SGPP2: variants seen among roughly 807,000 people sequenced by gnomAD.
SGPP2 encodes the protein sphingosine 1-phosphate phosphohydrolase 2.
A neutral mutation model predicts 33.9 loss-of-function variants in SGPP2; 30 were observed. That is an observed-to-expected ratio of 0.89 (90% CI 0.66 to 1.20). The LOEUF (loss-of-function observed/expected upper bound fraction) is 1.20. Among genes scored for constraint, SGPP2 ranks in the 50% most tolerant of loss-of-function variants. The pLI is 0.00. For synonymous variants in SGPP2, 233 were observed against 225.0 expected, an observed-to-expected ratio of 1.04 and a Z score of -0.32; for missense variants, 458 against 532.1, an observed-to-expected ratio of 0.86 and a Z score of 1.37.
intron 3 of SGPP2, among the ~76,000 whole-genome samples, chr2:222,522,873 GGGTCTTGCTGTGTTGCCCAGGCT>G (rs1404931568): frequency 3.9e-5 from 6 of 152,132 alleles, no homozygotes; most frequent in African/African-American, 1.4e-4. Flanking sequence ...TCTAGTGAAG[GGGTCTTGCTGTGTTGCCCAGGCT>G]GGTCTTGAAC....
At chr2:222,426,713 G>A (rs1189706984) in intron 1 of SGPP2, among the ~76,000 whole-genome samples, 1 of 152,188 alleles carries the variant, frequency 6.6e-6, no homozygotes, top group Admixed American at 6.5e-5. Context: ...ACTTGAGAGT[G>A]CTTGATAAAT....
chr2:222,501,436 GA>G (rs1698364332), intron 2 of SGPP2, among the ~76,000 whole-genome samples: 1 of 152,146 alleles, frequency 6.6e-6, no homozygotes, highest in African/African-American at 2.4e-5. Flanking sequence ...ACTACATAGG[GA>G]GGTTCTCAAA....
rs918253151 is a variant in SGPP2, at chr2:222,476,669, A to G, written c.378+1943A>G. 6.7e-6 allele frequency among the ~76,000 whole-genome samples: 1 copy of G among 149,018 alleles called. No individual in the cohort carries two copies. Among genetic ancestry groups the G allele is most frequent in the Admixed American group, 6.7e-5 (1 of 14,932 alleles). On this transcript the variant is annotated intron_variant, in intron 2 of 4. Coordinates refer to ENST00000321276, the MANE Select transcript of SGPP2 (RefSeq NM_152386.4). This position sits in a 1 kb window ranked among gnomAD's most constrained non-coding sequence, Gnocchi z 4.3. ...TTGAGTTTCTTTCCTACTGTCGTTT[A>G]TTTTCTAAGATGTGTGTGTGTGCGT...
At chr2:222,441,626 T>C (rs1697326795) in intron 1 of SGPP2, among the ~76,000 whole-genome samples, 1 of 152,204 alleles carries the variant, frequency 6.6e-6, no homozygotes, top group Non-Finnish European at 1.5e-5. Context: ...AGGGTTTAAA[T>C]GTCATTTTTA....
intron 2 of SGPP2, among the ~76,000 whole-genome samples, chr2:222,517,707 C>T (rs1008342651): frequency 6.6e-5 from 10 of 152,214 alleles, no homozygotes; most frequent in African/African-American, 1.7e-4. Context: ...AGACTCCTAA[C>T]GTGGGGCCAG....
rs923142681 is a variant in SGPP2, at chr2:222,560,524, C to A, written c.*1626C>A. ...GCAAACACCGGAGTTCCCTCCTCTT[C>A]AGTTCCTAAGAATAAAGAACAGGTA... is the stretch of plus-strand genomic sequence containing the variant. On this transcript the variant is annotated 3_prime_UTR_variant, in exon 5 of 5. Coordinates refer to ENST00000321276, the MANE Select transcript of SGPP2 (RefSeq NM_152386.4). 1.2e-4 allele frequency: 19 copies of A among 152,188 alleles called. No homozygotes were observed. The highest frequency in any genetic ancestry group is 4.6e-4 in the African/African-American group (19 of 41,446). The allele number at this position is 152,188 out of a possible 1,614,324, so 9.4% of individuals were successfully genotyped here. A position where few individuals can be genotyped will look rare whatever the true frequency, so the allele number is the denominator to read the frequency against.
intron 4 of SGPP2, among the ~76,000 whole-genome samples, chr2:222,543,340 G>A (rs1182727628): frequency 6.6e-6 from 1 of 152,184 alleles, no homozygotes; most frequent in East Asian, 1.9e-4. Flanking sequence ...TTTGTCATAA[G>A]TCAAGTGACT....
At chr2:222,435,914 G>C (rs1313714561) in intron 1 of SGPP2, among the ~76,000 whole-genome samples, 2 of 152,170 alleles carry the variant, frequency 1.3e-5, no homozygotes, top group African/African-American at 2.4e-5. Context: ...TCCTCGTAGA[G>C]TGATTCAAAC....
intron 2 of SGPP2, among the ~76,000 whole-genome samples, chr2:222,490,363 A>G (rs1467611100): frequency 2.0e-5 from 3 of 152,176 alleles, no homozygotes; most frequent in African/African-American, 4.8e-5. Context: ...AAATACTCTT[A>G]TGGGGTCACT....
At chr2:222,526,284 C>T (rs777750253) in intron 4 of SGPP2, among the ~76,000 whole-genome samples, 9 of 152,326 alleles carry the variant, frequency 5.9e-5, no homozygotes, top group Non-Finnish European at 1.2e-4. Context: ...GCTGCTTCAC[C>T]TCAGCCTGGC....
At chr2:222,481,412 A>G (rs1289690105) in intron 2 of SGPP2, among the ~76,000 whole-genome samples, 1 of 151,930 alleles carries the variant, frequency 6.6e-6, no homozygotes, top group African/African-American at 2.4e-5. Context: ...TTTTTTATTG[A>G]TTTCCACCAG....
intron 2 of SGPP2, among the ~76,000 whole-genome samples, chr2:222,515,733 C>T (rs1212053846): frequency 6.6e-6 from 1 of 152,044 alleles, no homozygotes; most frequent in Non-Finnish European, 1.5e-5. Context: ...AGAGTTCACA[C>T]ATGTTTAAAA....
Position 222,559,007 on chromosome 2 carries a change from C to A in SGPP2, c.*109C>A. On this transcript the variant is annotated 3_prime_UTR_variant, in exon 5 of 5. Coordinates refer to ENST00000321276, the MANE Select transcript of SGPP2 (RefSeq NM_152386.4). ...TTTTTCTTTAACAACAACAAAAAGT[C>A]ATACGGCTGTCTTGCTACTACCAGA... 9.4e-7 allele frequency: 1 copy of A among 1,061,174 alleles called. No homozygotes were observed. The highest frequency in any genetic ancestry group is 1.4e-6 in the Non-Finnish European group (1 of 737,226). 65.7% of individuals were successfully genotyped at this position (1,061,174 alleles called of 1,614,324 possible). A position where few individuals can be genotyped will look rare whatever the true frequency, so the allele number is the denominator to read the frequency against.
chr2:222,501,326 A>AC lies in SGPP2; in HGVS notation c.379-20441_379-20440insC, dbSNP rs1553538459. Among the ~76,000 whole-genome samples, 10 of 150,776 alleles carry AC rather than the reference A, an allele frequency of 6.6e-5. No homozygotes were observed. The East Asian group carries it at 1.9e-3, about 29-fold the overall frequency. ...ATCTCTCCAGAAATAAATCTTACTT[A>AC]TTTTTTTTTGAGTGATCACCACTTA... On this transcript the variant is annotated intron_variant, in intron 2 of 4. Coordinates refer to ENST00000321276, the MANE Select transcript of SGPP2 (RefSeq NM_152386.4).
At chr2:222,551,092 A>T (rs1292368859) in intron 4 of SGPP2, among the ~76,000 whole-genome samples, 1 of 152,194 alleles carries the variant, frequency 6.6e-6, no homozygotes, top group Non-Finnish European at 1.5e-5. Context: ...TCTTTCCCTT[A>T]TCATGCCTTT....
intron 4 of SGPP2, among the ~76,000 whole-genome samples, chr2:222,541,164 C>G (rs1316095879): frequency 6.6e-6 from 1 of 152,152 alleles, no homozygotes; most frequent in African/African-American, 2.4e-5. Flanking sequence ...TGTCTTGGAA[C>G]AGCAAATATC....
At chr2:222,424,908 CG>C (rs1231701183) in intron 1 of SGPP2, 87 bp downstream of exon 1, 1 of 1,126,762 alleles carries the variant, frequency 8.9e-7, no homozygotes, top group Non-Finnish European at 1.1e-6. Flanking sequence ...CGGGGCCGGC[CG>C]GGCCGAGAGG....
At chr2:222,522,046 G>C in intron 3 of SGPP2, 100 bp downstream of exon 3, 1 of 1,094,504 alleles carries the variant, frequency 9.1e-7, no homozygotes, top group Non-Finnish European at 1.3e-6. Flanking sequence ...GGACCTTAAG[G>C]TTTATGAAAT....
At chr2:222,544,595 G>T (rs1041859641) in intron 4 of SGPP2, among the ~76,000 whole-genome samples, 3 of 152,056 alleles carry the variant, frequency 2.0e-5, no homozygotes, top group Non-Finnish European at 4.4e-5. Flanking sequence ...GTAAATAGTT[G>T]TTATGCTTTA....
Sources: allele counts gnomAD v4.1 joint callset (sites outside exome capture counted in the v4.1 genomes callset), GRCh38; gene constraint gnomAD v4.1.1; non-coding constraint Gnocchi (gnomAD v3.1); transcripts MANE v1.5; gene names NCBI Gene and HGNC (gene_info 2026-07-23, HGNC 2026-07-21).